Variants in MCC observed in about 807,000 individuals in gnomAD.
MCC encodes MCC regulator of Wnt signaling pathway, also known as colorectal mutant cancer protein.
MCC carries 90 observed loss-of-function variants against 116.2 expected under a neutral mutation model. The observed-to-expected ratio is 0.77, with a 90% CI of 0.65 to 0.92. The LOEUF (loss-of-function observed/expected upper bound fraction) is 0.92, where lower values mean the gene tolerates loss of function less well. MCC is among the 40% of genes least tolerant of loss of function. The probability of loss-of-function intolerance (pLI) is 0.00; values close to 1 mark genes in which losing one functional copy is unlikely to be tolerated. For missense variants in MCC, 1,516 were observed against 1,312.2 expected, an observed-to-expected ratio of 1.16 and a Z score of -2.40; for synonymous variants, 578 against 510.5, an observed-to-expected ratio of 1.13 and a Z score of -1.78.
intron 14 of MCC, among the ~76,000 whole-genome samples, chr5:113,061,930 T>C (rs1753253253): frequency 6.6e-6 from 1 of 152,232 alleles, no homozygotes; most frequent in Admixed American, 6.5e-5. Context: ...ACTATAATTA[T>C]CATAATTATG....
At chr5:113,322,414 A>AAAG (rs560085289) in intron 3 of MCC, among the ~76,000 whole-genome samples, 1 of 152,234 alleles carries the variant, frequency 6.6e-6, no homozygotes, top group Non-Finnish European at 1.5e-5. Context: ...TCATACAGAA[A>AAAG]AAGAAGAAAA....
chr5:113,481,892 A>T (rs975999547), intron 1 of MCC, among the ~76,000 whole-genome samples: 1 of 152,212 alleles, frequency 6.6e-6, no homozygotes, highest in Non-Finnish European at 1.5e-5. Flanking sequence ...TGTCATTTCA[A>T]AAAAAGAAAT....
chr5:113,237,091 C>A (rs1249640077), intron 3 of MCC, among the ~76,000 whole-genome samples: 1 of 152,142 alleles, frequency 6.6e-6, no homozygotes, highest in Admixed American at 6.5e-5. Context: ...ACTGAACTTG[C>A]CTGTTCAAAG....
chr5:113,464,620 A>G (rs1279459886), intron 1 of MCC, among the ~76,000 whole-genome samples: 1 of 150,036 alleles, frequency 6.7e-6, no homozygotes, highest in African/African-American at 2.5e-5. Flanking sequence ...GTTTTTGTTT[A>G]TTTATCTCAC....
At chr5:113,385,450 C>G (rs1242428092) in intron 1 of MCC, among the ~76,000 whole-genome samples, 2 of 152,280 alleles carry the variant, frequency 1.3e-5, no homozygotes, top group East Asian at 3.9e-4. Flanking sequence ...CTTTTGTTCT[C>G]TTTTTCTTCC....
At chr5:113,330,684 A>C (rs935417776) in intron 3 of MCC, among the ~76,000 whole-genome samples, 13 of 152,240 alleles carry the variant, frequency 8.5e-5, no homozygotes, top group African/African-American at 3.1e-4. Flanking sequence ...ACACAAAAGG[A>C]AAGGCAAAGA....
At chr5:113,427,906 G>A (rs1345180608) in intron 1 of MCC, among the ~76,000 whole-genome samples, 1 of 151,958 alleles carries the variant, frequency 6.6e-6, no homozygotes, top group Non-Finnish European at 1.5e-5. Flanking sequence ...ATGAACATAA[G>A]CAATCTCAGG....
intron 11 of MCC, among the ~76,000 whole-genome samples, chr5:113,074,444 A>G (rs961334615): frequency 6.6e-6 from 1 of 152,246 alleles, no homozygotes; most frequent in African/African-American, 2.4e-5. Flanking sequence ...CAGAGCAGAA[A>G]AGCTGAAAAT....
chr5:113,162,777 G>A (rs1335303810), intron 3 of MCC, among the ~76,000 whole-genome samples: 1 of 152,162 alleles, frequency 6.6e-6, no homozygotes, highest in African/African-American at 2.4e-5. Context: ...GGGATTACAA[G>A]CTAGAGCCAC....
chr5:113,409,147 T>A (rs961283553), intron 1 of MCC, among the ~76,000 whole-genome samples: 2 of 152,190 alleles, frequency 1.3e-5, no homozygotes, highest in Admixed American at 6.5e-5. Context: ...CATTACCCTA[T>A]ATTTGTCTTT....
intron 16 of MCC, among the ~76,000 whole-genome samples, chr5:113,045,455 C>T (rs1752005525): frequency 6.6e-6 from 1 of 152,136 alleles, no homozygotes; most frequent in Non-Finnish European, 1.5e-5. Context: ...GAAGAGTATT[C>T]TGTGACAGGT....
intron 2 of MCC, among the ~76,000 whole-genome samples, chr5:113,342,927 A>G (rs1768050004): frequency 6.6e-6 from 1 of 152,242 alleles, no homozygotes; most frequent in Admixed American, 6.5e-5. Context: ...GGGATATAGC[A>G]GTAAGCATGA....
chr5:113,426,276 G>C (rs1388204138), intron 1 of MCC, among the ~76,000 whole-genome samples: 1 of 152,126 alleles, frequency 6.6e-6, no homozygotes, highest in East Asian at 1.9e-4. Context: ...GGCCACAAGG[G>C]AAGCAAAACT....
At chr5:113,261,085 AC>A (rs1581333032) in intron 3 of MCC, among the ~76,000 whole-genome samples, 1 of 152,188 alleles carries the variant, frequency 6.6e-6, no homozygotes, top group Non-Finnish European at 1.5e-5. Context: ...CACATCCTGA[AC>A]AACCCATCCT....
intron 14 of MCC, among the ~76,000 whole-genome samples, chr5:113,060,933 T>G (rs1753174339): frequency 6.6e-6 from 1 of 152,224 alleles, no homozygotes; most frequent in African/African-American, 2.4e-5. Flanking sequence ...AGTCTGACTC[T>G]CATTCCCTGA....
At chr5:113,367,631 G>GGT (rs1768730572) in intron 2 of MCC, among the ~76,000 whole-genome samples, 1 of 106,318 alleles carries the variant, frequency 9.4e-6, no homozygotes, top group Admixed American at 1.1e-4. Flanking sequence ...GCAGAGGGTG[G>GGT]GGGGGGGGAA....
chr5:113,073,470 C>A (rs143850139), intron 11 of MCC, among the ~76,000 whole-genome samples: 12 of 152,310 alleles, frequency 7.9e-5, no homozygotes, highest in Middle Eastern at 3.4e-3. Flanking sequence ...AATTACACTT[C>A]GAATAAAGAG....
In MCC at chr5:113,252,934, C is replaced by A. The variant is rs570419296; in HGVS notation, c.627+87585G>T. Among the ~76,000 whole-genome samples, 8 of 152,362 alleles carry A rather than the reference C, an allele frequency of 5.3e-5. No homozygotes were observed. The South Asian group carries it at 1.0e-3, about 20-fold the overall frequency. ...CATTTGCTTCTTGCAAGGGAACTGGCGAACATGGAGAGTGGGTTCAAGAAA... is the reference window on the plus strand; with the variant it reads ...CATTTGCTTCTTGCAAGGGAACTGGAGAACATGGAGAGTGGGTTCAAGAAA... On this transcript the variant is annotated intron_variant, in intron 3 of 18. Coordinates refer to ENST00000408903, the MANE Select transcript of MCC (RefSeq NM_001085377.2).
intron 1 of MCC, among the ~76,000 whole-genome samples, chr5:113,460,079 A>G (rs911705296): frequency 1.3e-5 from 2 of 152,188 alleles, no homozygotes; most frequent in African/African-American, 4.8e-5. Flanking sequence ...CTTGTATGAA[A>G]ACAGATGTTT....
Sources: gnomAD v4.1 joint callset for allele counts (sites outside exome capture counted in the v4.1 genomes callset) on GRCh38, gnomAD v4.1.1 for gene constraint, MANE v1.5 for transcripts, NCBI Gene and HGNC (gene_info 2026-07-23, HGNC 2026-07-21) for gene names.